The following ENPEP variants were observed in gnomAD, a reference collection of about 807,000 sequenced individuals.
The protein encoded by ENPEP is AP-A.
ENPEP carries 103 observed loss-of-function variants against 114.5 expected under a neutral mutation model. The ratio of observed to expected loss-of-function variants is 0.90; its 90% CI spans 0.77 to 1.06. The LOEUF is 1.06. ENPEP is among the 50% of genes least tolerant of loss of function. The pLI is 0.00. For synonymous variants in ENPEP, 420 were observed against 422.0 expected (o/e 1.00, Z 0.06); for missense variants, 1,196 against 1,161.3 (o/e 1.03, Z -0.43).
In ENPEP at chr4:110,561,744, T is replaced by C. The variant is rs1288327064; in HGVS notation, c.*186T>C. The C allele has an allele frequency of 3.6e-6, 2 of 552,322 alleles. No homozygotes were observed. The highest frequency in any genetic ancestry group is 6.3e-6 in the Non-Finnish European group (2 of 319,318). The allele number at this position is 552,322 out of a possible 1,614,324, so 34.2% of individuals were successfully genotyped here. On this transcript the variant is annotated 3_prime_UTR_variant, in exon 20 of 20. Transcript: ENST00000265162. ...CTTTGTTTATGAAGAAAGATACTAA[T>C]AGAGTACTTAATATACTCAGGGATT...
chr4:110,528,891 T>G (rs1726299052), intron 10 of ENPEP, among the ~76,000 whole-genome samples: 1 of 152,252 alleles, frequency 6.6e-6, no homozygotes, highest in Admixed American at 6.5e-5. Context: ...AGCCAATATG[T>G]AGAAAACTCA....
intron 2 of ENPEP, 128 bp downstream of exon 2, chr4:110,488,810 C>G: frequency 7.9e-7 from 1 of 1,264,370 alleles, no homozygotes. Flanking sequence ...GTTTATTTAG[C>G]TGAGTGAAAT....
rs200075649 is a variant in ENPEP at position 110,477,083 on chromosome 4, T to C, written c.644+25T>C. Reference sequence around the variant, plus strand: ...AGTAAATATTAATTTTTGCTTTACCTCCCTTAAGCTCACATATCTGCTTTC... The same window carrying C: ...AGTAAATATTAATTTTTGCTTTACCCCCCTTAAGCTCACATATCTGCTTTC... On this transcript the variant is annotated intron_variant, in intron 1 of 19. Transcript: ENST00000265162. 2.3e-3 allele frequency: 3,606 copies of C among 1,595,508 alleles called. 4 individuals carry two copies. The highest frequency in any genetic ancestry group is 2.9e-3 in the Non-Finnish European group (3,384 of 1,170,620).
intron 10 of ENPEP, among the ~76,000 whole-genome samples, chr4:110,528,079 A>G (rs955325249): frequency 6.6e-6 from 1 of 152,178 alleles, no homozygotes; most frequent in African/African-American, 2.4e-5. Flanking sequence ...CTGTATTCAC[A>G]TTTATACTGT....
Position 110,476,282 on chromosome 4 carries a change from A to C in ENPEP, c.-133A>C. On this transcript the variant is annotated 5_prime_UTR_variant, in exon 1 of 20. Coordinates refer to ENST00000265162, the MANE Select transcript of ENPEP (RefSeq NM_001977.4). ...GAGGAAAAGGCGCAAGAAGCCAGAG[A>C]GAGGGGTGTGGGAAAAGCGAAAACA... 1 of 1,093,152 alleles carries C rather than the reference A, an allele frequency of 9.1e-7. No homozygotes were observed. Among genetic ancestry groups the C allele is most frequent in the Non-Finnish European group, 1.3e-6 (1 of 776,920 alleles). 67.7% of individuals were successfully genotyped at this position (1,093,152 alleles called of 1,614,324 possible). A position where few individuals can be genotyped will look rare whatever the true frequency, so the allele number is the denominator to read the frequency against.
chr4:110,549,533 T>C lies in ENPEP; in HGVS notation c.2231T>C (p.Leu744Pro), dbSNP rs769289976. Residue 744 changes from leucine (L) to proline (P), a missense_variant, in exon 16 of 20, where the codon CTC (leucine) becomes CCC (proline). Physicochemically the swap from Leu to Pro is moderately conservative, Grantham distance 98. Transcript: ENST00000265162. ...NDAGDHVTKL[L>P]RSSVLGFACK... ...GTGTTTGTTTGTTTTTTAAGGTTAC[T>C]CCGTTCCTCCGTGTTAGGGTTTGCG... 3.7e-6 allele frequency: 6 copies of C among 1,613,386 alleles called. No homozygotes were observed. In the Admixed American group the frequency reaches 6.7e-5, roughly 18 times the overall value.
At chr4:110,490,622 A>G (rs540690589) in intron 2 of ENPEP, among the ~76,000 whole-genome samples, 6 of 152,334 alleles carry the variant, frequency 3.9e-5, no homozygotes, top group African/African-American at 9.6e-5. Flanking sequence ...AGAGAAGCCA[A>G]TGTTCCGCTA....
At chr4:110,545,517 C>T (rs1357663636) in intron 13 of ENPEP, among the ~76,000 whole-genome samples, 2 of 152,004 alleles carry the variant, frequency 1.3e-5, no homozygotes, top group Admixed American at 6.6e-5. Flanking sequence ...ATTTCCTCTT[C>T]GTTTCTCTGC....
At chr4:110,502,422 T>C (rs1725197673) in intron 3 of ENPEP, among the ~76,000 whole-genome samples, 1 of 152,174 alleles carries the variant, frequency 6.6e-6, no homozygotes, top group Admixed American at 6.5e-5. Flanking sequence ...TTTTACACTT[T>C]TTAACCTGTC....
intron 11 of ENPEP, among the ~76,000 whole-genome samples, chr4:110,539,868 A>AT (rs1473059646): frequency 6.6e-6 from 1 of 152,066 alleles, no homozygotes; most frequent in African/African-American, 2.4e-5. Flanking sequence ...CTTGTCTAAA[A>AT]TTTTTTATAA....
At chr4:110,486,785 G>A (rs1429133466) in intron 1 of ENPEP, among the ~76,000 whole-genome samples, 7 of 152,148 alleles carry the variant, frequency 4.6e-5, no homozygotes, top group African/African-American at 9.7e-5. Context: ...AGACAGAGCC[G>A]ATTTATCAAG....
intron 4 of ENPEP, among the ~76,000 whole-genome samples, chr4:110,508,538 G>A (rs1262808577): frequency 6.6e-6 from 1 of 152,210 alleles, no homozygotes; most frequent in East Asian, 1.9e-4. Flanking sequence ...TTGGCTGGGT[G>A]CGGTGGCTCA....
chr4:110,529,306 A>G (rs1726314101), intron 10 of ENPEP, among the ~76,000 whole-genome samples: 1 of 152,206 alleles, frequency 6.6e-6, no homozygotes, highest in Non-Finnish European at 1.5e-5. Flanking sequence ...AGTGAGGTAT[A>G]TAGGTAAGAT....
At position 110,476,657 on chromosome 4, in the gene ENPEP, T is replaced by A; in HGVS notation, c.243T>A (p.Ser81Arg). 6.2e-7 allele frequency: 1 copy of A among 1,613,966 alleles called. No homozygotes were observed. The highest frequency in any genetic ancestry group is 1.1e-5 in the South Asian group (1 of 91,060). ...AGGACCAGGACATCTGCCCGGCCAG[T>A]GAGGATGAGAGCGGACAGTGGAAAA... ...PAQDQDICPA[S>R]EDESGQWKNF... The change falls in exon 1 of 20, where the codon AGT (serine) becomes AGA (arginine). Residue 81 changes from serine to arginine, a missense_variant. By Grantham distance (110) the Ser-to-Arg change is moderately radical. Transcript: ENST00000265162.
chr4:110,481,258 T>C (rs766213876), intron 1 of ENPEP, among the ~76,000 whole-genome samples: 27 of 137,384 alleles, frequency 2.0e-4, no homozygotes, highest in African/African-American at 5.4e-4. Flanking sequence ...TTTCAGAGAC[T>C]TTTTTTTTTT....
rs571886799 is a variant in ENPEP at position 110,486,767 on chromosome 4, C to T, written c.645-1774C>T. On this transcript the variant is annotated intron_variant, in intron 1 of 19. Transcript: ENST00000265162. ...AACTGCCCAGTGGGTTCACCTTGCCCGCTGCCTAGACAGAGCCGATTTATC... is the reference window on the plus strand; with the variant it reads ...AACTGCCCAGTGGGTTCACCTTGCCTGCTGCCTAGACAGAGCCGATTTATC... 5.3e-4 allele frequency among the ~76,000 whole-genome samples: 80 copies of T among 152,276 alleles called. 1 individual carries two copies. Among genetic ancestry groups the T allele is most frequent in the Admixed American group, 3.1e-3 (47 of 15,290 alleles).
rs544120178 is a variant in ENPEP, at chr4:110,509,183, G to T, written c.1040-470G>T. Among the ~76,000 whole-genome samples the T allele has an allele frequency of 3.9e-5, 6 of 152,258 alleles. No homozygotes were observed. The South Asian group carries it at 1.2e-3, about 31-fold the overall frequency. On this transcript the variant is annotated intron_variant, in intron 4 of 19. Transcript: ENST00000265162. ...AAGCGGATGATAAGCTATTAGATTG[G>T]TATTTCTATCAATATTTTATAGAAT...
chr4:110,541,988 C>T (rs942268567), intron 11 of ENPEP, among the ~76,000 whole-genome samples: 11 of 152,092 alleles, frequency 7.2e-5, no homozygotes, highest in Admixed American at 2.0e-4. Flanking sequence ...CTTCTAAAAT[C>T]TATACAATAG....
chr4:110,502,719 T>A (rs369536630), intron 3 of ENPEP, among the ~76,000 whole-genome samples: 76 of 152,180 alleles, frequency 5.0e-4, no homozygotes, highest in Non-Finnish European at 8.2e-4. Context: ...TTCCTCCAGC[T>A]TTTTCTTTTT....
Sources: allele counts gnomAD v4.1 joint callset (sites outside exome capture counted in the v4.1 genomes callset), GRCh38; gene constraint gnomAD v4.1.1; transcripts MANE v1.5; gene names NCBI Gene and HGNC (gene_info 2026-07-23, HGNC 2026-07-21).